The following DLG2 variants were observed in gnomAD, a reference collection of about 807,000 sequenced individuals.
DLG2 encodes the protein disks large homolog 2.
DLG2 carries 45 observed loss-of-function variants against 132.5 expected under a neutral mutation model. That is an observed-to-expected ratio of 0.34 (90% CI 0.27 to 0.44). The LOEUF (loss-of-function observed/expected upper bound fraction) is 0.44. Among genes scored for constraint, DLG2 ranks in the 20% least tolerant of loss-of-function variants. The pLI, the probability that DLG2 is intolerant of heterozygous loss-of-function variation, is 1.00. For missense variants in DLG2, 1,045 were observed against 1,196.9 expected (o/e 0.87, Z 1.87); for synonymous variants, 424 against 419.6 (o/e 1.01, Z -0.13).
intron 6 of DLG2, among the ~76,000 whole-genome samples, chr11:84,592,933 T>TAAAAAAAAAAAAAA (rs61017970): frequency 5.5e-5 from 1 of 18,178 alleles, no homozygotes; most frequent in African/African-American, 2.3e-4. Context: ...CTGTCTCTAC[T>TAAAAAAAAAAAAAA]AAAAAAAAAA....
At chr11:84,193,522 G>A (rs1303907844) in intron 8 of DLG2, among the ~76,000 whole-genome samples, 1 of 152,184 alleles carries the variant, frequency 6.6e-6, no homozygotes, top group Non-Finnish European at 1.5e-5. Context: ...TTATTATACA[G>A]TGAATCATCC....
Position 83,875,866 on chromosome 11 carries a change from G to A in DLG2, c.1497-1378C>T, listed in dbSNP as rs573977371. On this transcript the variant is annotated intron_variant, in intron 15 of 27. Transcript: ENST00000376104. The stretch of plus-strand genomic sequence containing the variant: ...GGGAAGAGGTGTTTTCCTGTGACAC[G>A]TAGATAATATTTGTCTAAGGTTGAG... Among the ~76,000 whole-genome samples the A allele has an allele frequency of 4.6e-5, 7 of 152,218 alleles. No homozygotes were observed. The East Asian group carries it at 7.7e-4, about 17-fold the overall frequency.
chr11:85,202,872 C>G (rs925649374), intron 4 of DLG2, among the ~76,000 whole-genome samples: 2 of 151,472 alleles, frequency 1.3e-5, no homozygotes, highest in Non-Finnish European at 3.0e-5. Flanking sequence ...ACTTTCATAC[C>G]AAAAGCTATG....
chr11:84,000,684 G>A (rs777254783), intron 11 of DLG2, among the ~76,000 whole-genome samples: 9 of 152,010 alleles, frequency 5.9e-5, no homozygotes, highest in Admixed American at 2.6e-4. Context: ...AAACCATACC[G>A]GGCAGGAGGA....
chr11:83,903,618 G>A (rs2074023608), intron 15 of DLG2, among the ~76,000 whole-genome samples: 1 of 152,006 alleles, frequency 6.6e-6, no homozygotes, highest in South Asian at 2.1e-4. Context: ...TGGAAACTGG[G>A]GGCTTAGGCA....
At chr11:84,750,072 C>T (rs182944498) in intron 6 of DLG2, among the ~76,000 whole-genome samples, 13 of 152,134 alleles carry the variant, frequency 8.5e-5, no homozygotes, top group South Asian at 6.2e-4. Context: ...TTTCATTTGC[C>T]GCAAAGAACC....
chr11:84,837,685 T>C (rs921456447), intron 6 of DLG2, among the ~76,000 whole-genome samples: 13 of 151,706 alleles, frequency 8.6e-5, no homozygotes, highest in African/African-American at 3.1e-4. Flanking sequence ...CTATAGGAAT[T>C]TTCACCCAAA....
intron 6 of DLG2, among the ~76,000 whole-genome samples, chr11:84,994,612 C>G (rs2057455506): frequency 6.6e-6 from 1 of 152,012 alleles, no homozygotes; most frequent in African/African-American, 2.4e-5. Context: ...AAAGTAAAAA[C>G]AAACAGAGCA....
At chr11:85,522,915 T>G (rs1324549012) in intron 3 of DLG2, among the ~76,000 whole-genome samples, 4 of 152,194 alleles carry the variant, frequency 2.6e-5, no homozygotes, top group Non-Finnish European at 5.9e-5. Flanking sequence ...ACTTTTGGGT[T>G]AATGCTGGAA....
At chr11:83,651,729 T>A (rs1402397705) in intron 18 of DLG2, 1 of 391,040 alleles carries the variant, frequency 2.6e-6, no homozygotes, top group East Asian at 7.4e-5. Flanking sequence ...GGAAGTCTAC[T>A]TTATAATGCT....
intron 15 of DLG2, among the ~76,000 whole-genome samples, chr11:83,887,979 C>T (rs2068451043): frequency 7.3e-6 from 1 of 136,896 alleles, no homozygotes; most frequent in Admixed American, 7.2e-5. Context: ...TATGACAAAC[C>T]CACAGCCAAT....
At chr11:84,557,155 A>G (rs1391687373) in intron 6 of DLG2, among the ~76,000 whole-genome samples, 1 of 152,186 alleles carries the variant, frequency 6.6e-6, no homozygotes, top group African/African-American at 2.4e-5. Flanking sequence ...AGGTGTTGCT[A>G]TGAAGGAATT....
intron 6 of DLG2, among the ~76,000 whole-genome samples, chr11:84,959,519 A>T (rs769360079): frequency 6.6e-6 from 1 of 152,216 alleles, no homozygotes; most frequent in Non-Finnish European, 1.5e-5. Flanking sequence ...CAAGAGTGCT[A>T]TGACTTATTG....
rs1299579538 is a variant in DLG2, at chr11:83,965,401, T to A, written c.1124A>T (p.Glu375Val). The A allele has an allele frequency of 6.2e-7, 1 of 1,611,450 alleles. No individual in the cohort carries two copies. The highest frequency in any genetic ancestry group is 1.1e-5 in the South Asian group (1 of 90,958). Residue 375 changes from glutamate (E) to valine (V), a missense_variant, in exon 13 of 28, where the codon GAG (glutamate) becomes GTG (valine). Physicochemically the swap from Glu to Val is moderately radical, Grantham distance 121. Transcript: ENST00000376104. Reference protein sequence around the residue: ...EAVAILKNTSEVVYLKVGKPT... With the variant: ...EAVAILKNTSVVVYLKVGKPT... ...TTTGCCAACTTTTAAATAAACTACC[T>A]CTGATGTGTTCTTTAATATTGCTAC...
intron 18 of DLG2, among the ~76,000 whole-genome samples, chr11:83,714,791 G>C (rs1016619322): frequency 6.6e-6 from 1 of 152,162 alleles, no homozygotes; most frequent in African/African-American, 2.4e-5. Context: ...TGTTACATAG[G>C]TACACGTGTG....
intron 21 of DLG2, among the ~76,000 whole-genome samples, chr11:83,524,709 C>A (rs1317098588): frequency 6.6e-6 from 1 of 152,170 alleles, no homozygotes. Context: ...ACACTTGAAG[C>A]TTTGTACTTA....
At chr11:84,068,602 T>C (rs1228566518) in intron 10 of DLG2, among the ~76,000 whole-genome samples, 1 of 152,154 alleles carries the variant, frequency 6.6e-6, no homozygotes, top group Non-Finnish European at 1.5e-5. Flanking sequence ...ACATTAGTAA[T>C]TATTATTTAG....
intron 6 of DLG2, among the ~76,000 whole-genome samples, chr11:85,087,860 A>AAAAAAAAAAAG (rs1566822706): frequency 6.8e-6 from 1 of 147,676 alleles, no homozygotes; most frequent in African/African-American, 2.5e-5. Context: ...AAAAAAAAAA[A>AAAAAAAAAAAG]AAAAAAAAAC....
At chr11:84,906,695 A>G (rs2091556161) in intron 6 of DLG2, among the ~76,000 whole-genome samples, 1 of 152,054 alleles carries the variant, frequency 6.6e-6, no homozygotes, top group Admixed American at 6.6e-5. Context: ...AAAGAAATAC[A>G]CATATTTTAG....
Sources: allele counts gnomAD v4.1 joint callset (sites outside exome capture counted in the v4.1 genomes callset), GRCh38; gene constraint gnomAD v4.1.1; transcripts MANE v1.5; gene names NCBI Gene and HGNC (gene_info 2026-07-23, HGNC 2026-07-21).